The following PGM5 variants were observed in gnomAD, a reference collection of about 807,000 sequenced individuals.
The protein encoded by PGM5 is phosphoglucomutase-like protein 5.
PGM5 carries 23 observed loss-of-function variants against 59.2 expected under a neutral mutation model. That is an observed-to-expected ratio of 0.39 (90% CI 0.28 to 0.55). The LOEUF is 0.55. PGM5 is among the 20% of genes least tolerant of loss of function. The pLI is 0.66. For synonymous variants in PGM5, 214 were observed against 286.0 expected, an observed-to-expected ratio of 0.75 and a Z score of 2.54; for missense variants, 574 against 748.3, an observed-to-expected ratio of 0.77 and a Z score of 2.72.
intron 1 of PGM5, among the ~76,000 whole-genome samples, chr9:68,360,146 T>C (rs1280049471): frequency 3.3e-5 from 5 of 152,130 alleles, no homozygotes; most frequent in African/African-American, 4.8e-5. Flanking sequence ...AAAGCAATGT[T>C]CTAGGAAAAA....
intron 4 of PGM5, among the ~76,000 whole-genome samples, chr9:68,388,939 C>A (rs1822297502): frequency 6.6e-6 from 1 of 152,010 alleles, no homozygotes; most frequent in Non-Finnish European, 1.5e-5. Context: ...CCCTTTCAGT[C>A]TGAACACTTG....
intron 4 of PGM5, among the ~76,000 whole-genome samples, chr9:68,389,100 C>T (rs1822301004): frequency 6.6e-6 from 1 of 151,860 alleles, no homozygotes; most frequent in Admixed American, 6.6e-5. Flanking sequence ...GGGAAATTTC[C>T]TTGACTTTAT....
intron 6 of PGM5, among the ~76,000 whole-genome samples, chr9:68,438,324 G>A (rs1196412483): frequency 1.4e-5 from 2 of 147,208 alleles, no homozygotes; most frequent in African/African-American, 5.0e-5. Flanking sequence ...GATAGAATCT[G>A]AGCGGTTGAA....
intron 10 of PGM5, among the ~76,000 whole-genome samples, chr9:68,507,332 T>C (rs1447552199): frequency 6.6e-6 from 1 of 152,200 alleles, no homozygotes; most frequent in Non-Finnish European, 1.5e-5. Flanking sequence ...TGACCAGCTG[T>C]TCTCCATAAC....
intron 6 of PGM5, among the ~76,000 whole-genome samples, chr9:68,414,341 C>T (rs1388450215): frequency 3.3e-5 from 5 of 152,190 alleles, no homozygotes; most frequent in Non-Finnish European, 7.3e-5. Context: ...CTCAGACTAC[C>T]AGGTGAGATA....
chr9:68,439,610 C>T (rs1554683560), intron 6 of PGM5, among the ~76,000 whole-genome samples: 1 of 147,924 alleles, frequency 6.8e-6, no homozygotes. Flanking sequence ...TACCCCAGCT[C>T]ATTCTAATAT....
At chr9:68,505,649 G>A (rs1262537268) in intron 10 of PGM5, among the ~76,000 whole-genome samples, 3 of 152,204 alleles carry the variant, frequency 2.0e-5, no homozygotes, top group African/African-American at 7.2e-5. Context: ...TTAGGGCCAG[G>A]TGTGGAGAAG....
intron 1 of PGM5, among the ~76,000 whole-genome samples, chr9:68,360,878 T>C (rs1834564095): frequency 6.6e-6 from 1 of 152,194 alleles, no homozygotes; most frequent in Non-Finnish European, 1.5e-5. Context: ...TTTATATCAT[T>C]TATTACCCAG....
At chr9:68,372,281 G>A (rs151175186) in intron 1 of PGM5, among the ~76,000 whole-genome samples, 12 of 52,350 alleles carry the variant, frequency 2.3e-4, no homozygotes, top group East Asian at 1.8e-3. Context: ...ATCTGCTCCC[G>A]CCTCTTCCAG....
At chr9:68,415,387 C>G (rs1335083113) in intron 6 of PGM5, among the ~76,000 whole-genome samples, 1 of 148,436 alleles carries the variant, frequency 6.7e-6, no homozygotes, top group Non-Finnish European at 1.5e-5. Context: ...GGGCAGAGGC[C>G]AGCAGGGGAA....
intron 6 of PGM5, chr9:68,396,932 A>G (rs1263013071): frequency 2.6e-5 from 4 of 152,272 alleles, no homozygotes; most frequent in African/African-American, 4.8e-5. Context: ...ATTCCAGAAT[A>G]AGGGGAGGCC....
chr9:68,406,490 T>C (rs1207977064), intron 6 of PGM5: 1 of 149,242 alleles, frequency 6.7e-6, no homozygotes, highest in Non-Finnish European at 1.5e-5. Flanking sequence ...AATCCACTAA[T>C]CCATGAATGA....
At position 68,498,941 on chromosome 9, in the gene PGM5, A is replaced by C; in HGVS notation, c.1480-286A>C. The C allele has an allele frequency of 5.7e-6, 2 of 352,642 alleles. 1 individual carries two copies. Among genetic ancestry groups the C allele is most frequent in the Non-Finnish European group, 1.0e-5 (2 of 192,206 alleles). 21.8% of individuals were successfully genotyped at this position (352,642 alleles called of 1,614,324 possible). A position where few individuals can be genotyped will look rare whatever the true frequency, so the allele number is the denominator to read the frequency against. ...TCCCTGTGACTTCCACTTCTTTCTG[A>C]TTCCCATATCACCAGCCCAAGAGAA... On this transcript the variant is annotated intron_variant, in intron 9 of 10. Coordinates refer to ENST00000396396, the MANE Select transcript of PGM5 (RefSeq NM_021965.4).
chr9:68,358,396 C>A (rs1167610783), intron 1 of PGM5, among the ~76,000 whole-genome samples: 2 of 152,068 alleles, frequency 1.3e-5, no homozygotes, highest in Non-Finnish European at 2.9e-5. Flanking sequence ...TCCTCTTTCC[C>A]AGGTCCAGCA....
At chr9:68,359,824 A>G (rs1563979250) in intron 1 of PGM5, among the ~76,000 whole-genome samples, 1 of 152,248 alleles carries the variant, frequency 6.6e-6, no homozygotes, top group Non-Finnish European at 1.5e-5. Context: ...AATTTTACAA[A>G]GCAATTTTCT....
chr9:68,506,960 C>T (rs530619055), intron 10 of PGM5, among the ~76,000 whole-genome samples: 2 of 152,084 alleles, frequency 1.3e-5, no homozygotes, highest in African/African-American at 4.8e-5. Flanking sequence ...ATTATATTTC[C>T]TCTCCTTACT....
intron 6 of PGM5, among the ~76,000 whole-genome samples, chr9:68,457,022 G>A (rs1823790285): frequency 6.6e-6 from 1 of 151,772 alleles, no homozygotes; most frequent in Middle Eastern, 3.2e-3. Context: ...TTTTCATATT[G>A]GCCAATCAGT....
At chr9:68,452,418 G>T (rs1473958706) in intron 6 of PGM5, among the ~76,000 whole-genome samples, 2 of 152,174 alleles carry the variant, frequency 1.3e-5, no homozygotes, top group African/African-American at 4.8e-5. Context: ...CAGTTAAGTG[G>T]CCTTCTCATC....
chr9:68,483,843 G>C (rs782088543), intron 8 of PGM5, 22 bp from the exon 9 acceptor site: 1 of 1,610,772 alleles, frequency 6.2e-7, no homozygotes, highest in African/African-American at 1.3e-5. Context: ...TTAGGTTTCT[G>C]TTCCTCCTGT....
Sources: gnomAD v4.1 joint callset for allele counts (sites outside exome capture counted in the v4.1 genomes callset) on GRCh38, gnomAD v4.1.1 for gene constraint, MANE v1.5 for transcripts, NCBI Gene and HGNC (gene_info 2026-07-23, HGNC 2026-07-21) for gene names.